POLE4: variants seen among roughly 807,000 people sequenced by gnomAD.
The protein encoded by POLE4 is DNA polymerase epsilon 4, accessory subunit, also known as DNA polymerase epsilon subunit 4.
In POLE4, 15 loss-of-function variants were observed where a neutral mutation model predicts 15.6. The observed-to-expected ratio is 0.96, with a 90% CI of 0.64 to 1.48. The LOEUF (loss-of-function observed/expected upper bound fraction) is 1.48. POLE4 is among the 40% of genes most tolerant of loss of function. The pLI is 0.00. For synonymous variants in POLE4, 83 were observed against 63.2 expected (o/e 1.31, Z -1.49); for missense variants, 205 against 151.9 (o/e 1.35, Z -1.84).
At chr2:74,969,384 T>C (rs148508870) in intron 3 of POLE4, 25 bp from the exon 4 acceptor site, 313 of 1,612,664 alleles carry the variant, frequency 1.9e-4, no homozygotes, top group South Asian at 1.7e-3. Context: ...TCCCCTGATA[T>C]ACTCATTGCT....
intron 1 of POLE4, 133 bp from the exon 2 acceptor site, chr2:74,959,207 AC>A: frequency 1.6e-6 from 1 of 641,242 alleles, no homozygotes; most frequent in Non-Finnish European, 2.8e-6. Flanking sequence ...GAAGTCCAGG[AC>A]AATCTTAGCT....
intron 3 of POLE4, among the ~76,000 whole-genome samples, chr2:74,963,794 T>G (rs1359366228): frequency 6.6e-6 from 1 of 152,214 alleles, no homozygotes; most frequent in Admixed American, 6.5e-5. Context: ...CCAGCCGTGC[T>G]TGTTATATTT....
intron 3 of POLE4, chr2:74,960,486 A>G: frequency 2.1e-6 from 1 of 465,422 alleles, no homozygotes; most frequent in Non-Finnish European, 4.2e-6. Context: ...GATCAGAAAC[A>G]ATTGTTAACA....
chr2:74,960,327 GA>G, intron 3 of POLE4, 181 bp downstream of exon 3: 3 of 609,862 alleles, frequency 4.9e-6, no homozygotes, highest in Non-Finnish European at 8.8e-6. Flanking sequence ...CTCCCTTGGG[GA>G]ATTAAAATTT....
chr2:74,959,391 G>T lies in POLE4; in HGVS notation c.264G>T (p.Gln88His). 6.2e-7 allele frequency: 1 copy of T among 1,613,570 alleles called. No individual in the cohort carries two copies. Among genetic ancestry groups the T allele is most frequent in the Non-Finnish European group, 8.5e-7 (1 of 1,179,524 alleles). ...IAKDAYCCAQ[Q>H]GKRKTLQRRD... ...AAGATGCCTACTGTTGCGCTCAGCAGGGAAAAAGGAAAACCCTTCAGAGGA... is the reference window on the plus strand; with the variant it reads ...AAGATGCCTACTGTTGCGCTCAGCATGGAAAAAGGAAAACCCTTCAGAGGA... Residue 88 changes from glutamine (Q) to histidine (H), a missense_variant, in exon 2 of 4, where the codon CAG (glutamine) becomes CAT (histidine). Transcript: ENST00000483063.
rs776949285 is a variant in POLE4 at position 74,960,087 on chromosome 2, C to T, written c.299-18C>T. 2.5e-6 allele frequency: 4 copies of T among 1,612,606 alleles called. No individual in the cohort carries two copies. The African/African-American group carries it at 4.0e-5, about 16-fold the overall frequency. On this transcript the variant is annotated intron_variant, in intron 2 of 3. Coordinates refer to ENST00000483063, the MANE Select transcript of POLE4 (RefSeq NM_019896.4). ...CATGGCTGAAGTTAGTCAGGTGTCT[C>T]TTTTCCTTGTGTTTCAGATAATGCA... is the stretch of plus-strand genomic sequence containing the variant.
At position 74,962,904 on chromosome 2, in the gene POLE4, G is replaced by T. The variant is rs571072771; in HGVS notation, c.340+2758G>T. On this transcript the variant is annotated intron_variant, in intron 3 of 3. Transcript: ENST00000483063. ...AACTCTCTGCAAATGGAACCAAACCGTATGCATTCGTTGGCCAACATCTGT... is the reference window on the plus strand; with the variant it reads ...AACTCTCTGCAAATGGAACCAAACCTTATGCATTCGTTGGCCAACATCTGT... 7.2e-5 allele frequency among the ~76,000 whole-genome samples: 11 copies of T among 152,284 alleles called. No individual in the cohort carries two copies. The South Asian group carries it at 2.1e-3, about 29-fold the overall frequency.
rs1006416737 is a variant in POLE4, at chr2:74,959,390, A to G, written c.263A>G (p.Gln88Arg). 3 of 1,613,510 alleles carry G rather than the reference A, an allele frequency of 1.9e-6. No individual in the cohort carries two copies. The highest frequency in any genetic ancestry group is 2.5e-6 in the Non-Finnish European group (3 of 1,179,540). The change falls in exon 2 of 4, where the codon CAG (glutamine) becomes CGG (arginine). Residue 88 changes from glutamine to arginine, a missense_variant. Coordinates refer to ENST00000483063, the MANE Select transcript of POLE4 (RefSeq NM_019896.4). ...IAKDAYCCAQQGKRKTLQRRD... is the reference protein window; with the variant it reads ...IAKDAYCCAQRGKRKTLQRRD... ...AAAGATGCCTACTGTTGCGCTCAGC[A>G]GGGAAAAAGGAAAACCCTTCAGAGG...
rs1198212824 is a variant in POLE4, at chr2:74,958,724, G to A, written c.45G>A (p.Glu15=). 12 of 1,513,800 alleles carry A rather than the reference G, an allele frequency of 7.9e-6. No individual in the cohort carries two copies. Among genetic ancestry groups the A allele is most frequent in the Middle Eastern group, 1.7e-4 (1 of 5,748 alleles). 93.8% of individuals were successfully genotyped at this position (1,513,800 alleles called of 1,614,324 possible). A position where few individuals can be genotyped will look rare whatever the true frequency, so the allele number is the denominator to read the frequency against. Residue 15 remains glutamate, a synonymous_variant, in exon 1 of 4, where the codon GAG becomes GAA. Transcript: ENST00000483063. ...CAGGAAGCGGGACGCCCCGAGAGGA[G>A]GAGGGACCTGCTGGGGAGGCAGCGG... ...AAAGSGTPRE[E]EGPAGEAAAS...
At chr2:74,968,336 A>C (rs1671322644) in intron 3 of POLE4, among the ~76,000 whole-genome samples, 2 of 151,912 alleles carry the variant, frequency 1.3e-5, no homozygotes, top group Non-Finnish European at 2.9e-5. Flanking sequence ...AAGTTTTGGT[A>C]TCCTTTCAAC....
At chr2:74,969,132 A>C (rs1671332745) in intron 3 of POLE4, among the ~76,000 whole-genome samples, 1 of 152,144 alleles carries the variant, frequency 6.6e-6, no homozygotes, top group South Asian at 2.1e-4. Context: ...TATGGTCTTC[A>C]TCAATGTTCA....
chr2:74,970,020 T>C lies in POLE4; in HGVS notation c.*598T>C, dbSNP rs1031745569. On this transcript the variant is annotated 3_prime_UTR_variant, in exon 4 of 4. Coordinates refer to ENST00000483063, the MANE Select transcript of POLE4 (RefSeq NM_019896.4). ...ATCCACATACTCTATATTTCACCAA[T>C]TTAAAGTGTACAATTCAGTGGTATT... 3.3e-5 allele frequency: 5 copies of C among 152,356 alleles called. No homozygotes were observed. Among genetic ancestry groups the C allele is most frequent in the Admixed American group, 1.3e-4 (2 of 15,302 alleles). The allele number at this position is 152,356 out of a possible 1,614,324, so 9.4% of individuals were successfully genotyped here.
chr2:74,966,370 T>C (rs1466937284), intron 3 of POLE4, among the ~76,000 whole-genome samples: 1 of 152,190 alleles, frequency 6.6e-6, no homozygotes, highest in African/African-American at 2.4e-5. Flanking sequence ...TATATGGATT[T>C]AGTCACATAC....
chr2:74,965,125 A>G (rs549694627), intron 3 of POLE4, among the ~76,000 whole-genome samples: 51 of 141,084 alleles, frequency 3.6e-4, no homozygotes, highest in African/African-American at 1.3e-3. Flanking sequence ...ATGGAGTCTC[A>G]CTCTGTTGCC....
rs935556931 is a variant in POLE4 at position 74,958,885 on chromosome 2, G to A, written c.206G>A (p.Arg69Gln). ...AGQEAIFILA[R>Q]AAELFVETIA... ...CAGGAAGCCATCTTCATTCTGGCAC[G>A]AGCCGCGGTGCGCCTGCAGCGCGAG... The change falls in exon 1 of 4, where the codon CGA (arginine) becomes CAA (glutamine). Residue 69 changes from arginine (R) to glutamine (Q), a missense_variant. Transcript: ENST00000483063. 1.9e-6 allele frequency: 3 copies of A among 1,555,302 alleles called. No individual in the cohort carries two copies. Among genetic ancestry groups the A allele is most frequent in the South Asian group, 2.4e-5 (2 of 84,426 alleles).
intron 2 of POLE4, chr2:74,959,708 A>G (rs746957702): frequency 5.3e-5 from 22 of 418,170 alleles, no homozygotes; most frequent in Admixed American, 1.2e-4. Flanking sequence ...TCACCTAGCA[A>G]CTGGGGATTT....
intron 2 of POLE4, chr2:74,959,826 G>A (rs1671190123): frequency 4.2e-6 from 2 of 481,166 alleles, no homozygotes; most frequent in Non-Finnish European, 7.3e-6. Flanking sequence ...ACAACTTTAA[G>A]AGCAAAGCGA....
intron 3 of POLE4, among the ~76,000 whole-genome samples, chr2:74,966,684 G>A (rs908120956): frequency 6.6e-6 from 1 of 152,132 alleles, no homozygotes; most frequent in Non-Finnish European, 1.5e-5. Context: ...GATTACAGGC[G>A]TGAGCTGCTG....
rs145157175 is a variant in POLE4 at position 74,966,917 on chromosome 2, CT to C, written c.341-2482del. On this transcript the variant is annotated intron_variant, in intron 3 of 3. Coordinates refer to ENST00000483063, the MANE Select transcript of POLE4 (RefSeq NM_019896.4). The stretch of plus-strand genomic sequence containing the variant: ...GCACATTGAAGCTATCATTTTACTG[CT>C]TTTTTTTTTGGCTTCTATGTTTTCT... Among the ~76,000 whole-genome samples, 769 of 145,726 alleles carry C rather than the reference CT, an allele frequency of 5.3e-3. 7 individuals carry two copies. The highest frequency in any genetic ancestry group is 0.017 in the African/African-American group (685 of 40,020).
Sources: gnomAD v4.1 joint callset for allele counts (sites outside exome capture counted in the v4.1 genomes callset) on GRCh38, gnomAD v4.1.1 for gene constraint, MANE v1.5 for transcripts, NCBI Gene and HGNC (gene_info 2026-07-23, HGNC 2026-07-21) for gene names.